ZNF503: variants seen among roughly 807,000 people sequenced by gnomAD.
The protein encoded by ZNF503 is NocA-like zinc finger 2.
Under a neutral mutation model 34.4 loss-of-function variants are expected in ZNF503, and 15 were observed. The observed-to-expected ratio is 0.44, with a 90% confidence interval of 0.29 to 0.67. ZNF503 has a LOEUF of 0.67. Among genes scored for constraint, ZNF503 ranks in the 30% least tolerant of loss-of-function variants. ZNF503 has a pLI of 0.13. For missense variants in ZNF503, 1,007 were observed against 926.8 expected, an observed-to-expected ratio of 1.09 and a Z score of -1.12; for synonymous variants, 580 against 456.8, an observed-to-expected ratio of 1.27 and a Z score of -3.44.
the ZNF503 span, among the ~76,000 whole-genome samples, chr10:75,320,580 G>A: frequency 7.9e-5 from 12 of 152,194 alleles, no homozygotes; most frequent in Non-Finnish European, 1.8e-4. Flanking sequence ...CACTTTGGGA[G>A]GCCAAGATGG....
At chr10:75,345,100 G>A in the ZNF503 span, among the ~76,000 whole-genome samples, 1 of 152,226 alleles carries the variant, frequency 6.6e-6, no homozygotes, top group East Asian at 1.9e-4. Context: ...TCTCTTAGTT[G>A]TATGACTTTG....
In ZNF503 at chr10:75,398,717, C is replaced by G. The variant is rs1843735977; in HGVS notation, c.*32G>C. The G allele has an allele frequency of 7.4e-7, 1 of 1,357,180 alleles. No individual in the cohort carries two copies. Among genetic ancestry groups the G allele is most frequent in the East Asian group, 2.9e-5 (1 of 34,970 alleles). The allele number at this position is 1,357,180 out of a possible 1,614,324, so 84.1% of individuals were successfully genotyped here. ...CTGGACTCCTCCCCTCCCCCTCTCC[C>G]TCCTCTCCCTCGCTCGCCCTCCCGG... On this transcript the variant is annotated 3_prime_UTR_variant, in exon 2 of 2. Transcript: ENST00000372524.
chr10:75,401,348 TCCGCCTCCGCCGCCGCCG>T lies in ZNF503; in HGVS notation c.54_71del (p.Gly22_Gly27del). 2 of 1,491,002 alleles carry T rather than the reference TCCGCCTCCGCCGCCGCCG, an allele frequency of 1.3e-6. No homozygotes were observed. Among genetic ancestry groups the T allele is most frequent in the Non-Finnish European group, 1.8e-6 (2 of 1,138,260 alleles). 92.4% of individuals were successfully genotyped at this position (1,491,002 alleles called of 1,614,324 possible). A position where few individuals can be genotyped will look rare whatever the true frequency, so the allele number is the denominator to read the frequency against. Reference sequence around the variant, plus strand: ...TCCAGGCAGGGTCTGCACCGCCGCCTCCGCCTCCGCCGCCGCCGCCGCCGCTGTGCTTACTGCTTCTTA... The same window carrying T: ...TCCAGGCAGGGTCTGCACCGCCGCCTCCGCCGCTGTGCTTACTGCTTCTTA... On this transcript the variant is annotated inframe_deletion, in exon 1 of 2. Transcript: ENST00000372524.
chr10:75,308,726 C>A, the ZNF503 span, among the ~76,000 whole-genome samples: 1 of 152,196 alleles, frequency 6.6e-6, no homozygotes, highest in African/African-American at 2.4e-5. Flanking sequence ...GAAGTAACTG[C>A]AGATGTGGTA....
Position 75,401,212 on chromosome 10 carries a change from T to G in ZNF503, c.208A>C (p.Asn70His). Residue 70 changes from asparagine to histidine, a missense_variant, in exon 1 of 2, where the codon AAC (asparagine) becomes CAC (histidine). Asn to His is a moderately conservative substitution (Grantham distance 68). Coordinates refer to ENST00000372524, the MANE Select transcript of ZNF503 (RefSeq NM_032772.6). Reference sequence around the variant, plus strand: ...TTCAGCACCTTGATTGGCAGGCGGTTGGCCTGGCGCAGGGGGTCAGAGGGG... The same window carrying G: ...TTCAGCACCTTGATTGGCAGGCGGTGGGCCTGGCGCAGGGGGTCAGAGGGG... ...VPPSDPLRQA[N>H]RLPIKVLKML... The G allele has an allele frequency of 6.2e-7, 1 of 1,608,110 alleles. No homozygotes were observed. Among genetic ancestry groups the G allele is most frequent in the Non-Finnish European group, 8.5e-7 (1 of 1,176,714 alleles).
At chr10:75,377,633 C>T in the ZNF503 span, among the ~76,000 whole-genome samples, 2 of 152,098 alleles carry the variant, frequency 1.3e-5, no homozygotes, top group Admixed American at 6.5e-5. Flanking sequence ...TTGGGGAATC[C>T]ATCTGCTTCC....
the ZNF503 span, among the ~76,000 whole-genome samples, chr10:75,340,998 AATAG>A: frequency 6.6e-6 from 1 of 152,222 alleles, no homozygotes; most frequent in African/African-American, 2.4e-5. Context: ...TTATAGATAA[AATAG>A]ATAAATTCCT....
the ZNF503 span, among the ~76,000 whole-genome samples, chr10:75,355,057 T>C: frequency 1.3e-5 from 2 of 152,000 alleles, no homozygotes; most frequent in Non-Finnish European, 2.9e-5. Context: ...GTTGGTCAGG[T>C]TGGTCTCAAA....
chr10:75,355,377 A>C, the ZNF503 span, among the ~76,000 whole-genome samples: 1 of 152,206 alleles, frequency 6.6e-6, no homozygotes, highest in East Asian at 1.9e-4. Flanking sequence ...ATTTATTCAG[A>C]GTCCTTGCAT....
chr10:75,346,495 A>T, the ZNF503 span, among the ~76,000 whole-genome samples: 2 of 148,624 alleles, frequency 1.3e-5, no homozygotes, highest in African/African-American at 5.0e-5. Flanking sequence ...CAGTGCTGCA[A>T]TCTTGGCTCA....
At chr10:75,292,120 G>A in the ZNF503 span, among the ~76,000 whole-genome samples, 2 of 152,212 alleles carry the variant, frequency 1.3e-5, no homozygotes, top group African/African-American at 4.8e-5. Flanking sequence ...GAGGGGTGAG[G>A]TCACAGAGGG....
chr10:75,301,033 T>G, the ZNF503 span, among the ~76,000 whole-genome samples: 1 of 152,044 alleles, frequency 6.6e-6, no homozygotes, highest in Non-Finnish European at 1.5e-5. Flanking sequence ...CATTAAAATC[T>G]ATTTTGTCTG....
At chr10:75,280,552 A>ATG in the ZNF503 span, among the ~76,000 whole-genome samples, 1 of 110,052 alleles carries the variant, frequency 9.1e-6, no homozygotes, top group African/African-American at 4.4e-5. Context: ...AGGGGTGTGT[A>ATG]TGCGTGTGTG....
chr10:75,303,525 C>G, the ZNF503 span, among the ~76,000 whole-genome samples: 1 of 152,254 alleles, frequency 6.6e-6, no homozygotes, highest in Non-Finnish European at 1.5e-5. Flanking sequence ...CCAGGCTGAA[C>G]TGCTCTTGCC....
the ZNF503 span, among the ~76,000 whole-genome samples, chr10:75,355,076 C>G: frequency 6.6e-6 from 1 of 152,112 alleles, no homozygotes. Flanking sequence ...AACTCCTGAC[C>G]TCAAATGATT....
At chr10:75,341,461 T>C in the ZNF503 span, among the ~76,000 whole-genome samples, 1 of 152,226 alleles carries the variant, frequency 6.6e-6, no homozygotes, top group Non-Finnish European at 1.5e-5. Context: ...CACACCAGCC[T>C]CATGTGAATA....
At chr10:75,384,151 C>T in the ZNF503 span, among the ~76,000 whole-genome samples, 47 of 152,062 alleles carry the variant, frequency 3.1e-4, no homozygotes, top group African/African-American at 5.8e-4. Flanking sequence ...GCAGGGGATG[C>T]GGTCTGCTCT....
chr10:75,401,226 G>T lies in ZNF503; in HGVS notation c.194C>A (p.Pro65His), dbSNP rs745534319. 1.9e-6 allele frequency: 3 copies of T among 1,607,170 alleles called. No homozygotes were observed. In the East Asian group the frequency reaches 6.7e-5, roughly 36 times the overall value. Residue 65 changes from proline (P) to histidine (H), a missense_variant, in exon 1 of 2, where the codon CCC becomes CAC. Pro to His is a moderately conservative substitution (Grantham distance 77). Coordinates refer to ENST00000372524, the MANE Select transcript of ZNF503 (RefSeq NM_032772.6). ...PFVHAVPPSD[P>H]LRQANRLPIK... is the part of the protein sequence containing the mutation. ...TGGCAGGCGGTTGGCCTGGCGCAGG[G>T]GGTCAGAGGGGGGCACGGCGTGCAC...
the ZNF503 span, among the ~76,000 whole-genome samples, chr10:75,391,729 T>C: frequency 2.6e-4 from 39 of 152,180 alleles, no homozygotes; most frequent in Non-Finnish European, 5.3e-4. Context: ...GTCCTCCTTC[T>C]GTCTTTTGTT....
Sources: gnomAD v4.1 joint callset for allele counts (sites outside exome capture counted in the v4.1 genomes callset) on GRCh38, gnomAD v4.1.1 for gene constraint, MANE v1.5 for transcripts, NCBI Gene and HGNC (gene_info 2026-07-23, HGNC 2026-07-21) for gene names.